LAMB3: variants seen among roughly 807,000 people sequenced by gnomAD.
The protein encoded by LAMB3 is laminin subunit beta 3.
In LAMB3, 104 loss-of-function variants were observed where a neutral mutation model predicts 140.3. The observed-to-expected ratio is 0.74, with a 90% CI of 0.63 to 0.87. The LOEUF (loss-of-function observed/expected upper bound fraction) is 0.87, where lower values mean the gene tolerates loss of function less well. Among genes scored for constraint, LAMB3 ranks in the 40% least tolerant of loss-of-function variants. LAMB3 has a pLI of 0.00. For synonymous variants in LAMB3, 592 were observed against 602.9 expected (o/e 0.98, Z 0.26); for missense variants, 1,531 against 1,575.2 (o/e 0.97, Z 0.47).
intron 3 of LAMB3, among the ~76,000 whole-genome samples, chr1:209,640,904 A>AC (rs1384725225): frequency 2.6e-5 from 4 of 151,550 alleles, no homozygotes; most frequent in African/African-American, 7.3e-5. Context: ...ACACAGTGAA[A>AC]CCCCCTCTCT....
intron 4 of LAMB3, 73 bp downstream of exon 4, chr1:209,638,461 A>G (rs2072942): frequency 0.046 from 45,712 of 988,088 alleles, 2,490 homozygotes; most frequent in East Asian, 0.24. Flanking sequence ...CCAAAGGGTT[A>G]TAGGGCACCT....
Position 209,634,544 on chromosome 1 carries a change from G to A in LAMB3, c.467C>T (p.Thr156Ile). The change falls in exon 6 of 23, where the codon ACC becomes ATC. Residue 156 changes from threonine (T) to isoleucine (I), a missense_variant. Coordinates refer to ENST00000356082, the MANE Select transcript of LAMB3 (RefSeq NM_000228.3). ...YQYLAADCTS[T>I]FPRVRQGRPQ... ...CCGACCCTGGCGGACCCGAGGGAAG[G>A]TGGAGGTGCAGTCGGCAGCCAGGTA... is the stretch of plus-strand genomic sequence containing the variant. 1.9e-6 allele frequency: 3 copies of A among 1,614,168 alleles called. No individual in the cohort carries two copies. In the South Asian group the frequency reaches 3.3e-5, roughly 18 times the overall value.
intron 3 of LAMB3, among the ~76,000 whole-genome samples, chr1:209,639,285 G>T (rs1263690768): frequency 6.6e-6 from 1 of 152,170 alleles, no homozygotes; most frequent in South Asian, 2.1e-4. Flanking sequence ...TCTACTCTGG[G>T]CTCTGGAGTT....
In LAMB3 at chr1:209,623,125, G is replaced by T; in HGVS notation, c.2413C>A (p.Leu805Ile). Residue 805 changes from leucine to isoleucine, a missense_variant, in exon 17 of 23, where the codon CTA becomes ATA. By Grantham distance (5) the Leu-to-Ile change is conservative. Coordinates refer to ENST00000356082, the MANE Select transcript of LAMB3 (RefSeq NM_000228.3). This position sits in a 1 kb window ranked among gnomAD's most constrained non-coding sequence, Gnocchi z 4.2. ...GCTGTGCCATTGTCTTGGGGACATA[G>T]CTCACCAGGGCATGATATTGGGGTG... ...ACTPISCPGELCPQDNGTACG... is the reference protein window; with the variant it reads ...ACTPISCPGEICPQDNGTACG... 1 of 1,614,230 alleles carries T rather than the reference G, an allele frequency of 6.2e-7. No homozygotes were observed. The highest frequency in any genetic ancestry group is 1.3e-5 in the African/African-American group (1 of 75,060).
intron 6 of LAMB3, 87 bp from the exon 7 acceptor site, chr1:209,633,220 C>T: frequency 1.0e-6 from 1 of 969,632 alleles, no homozygotes; most frequent in Non-Finnish European, 1.7e-6. Context: ...CCATTATATG[C>T]CTCACACTTG....
rs1666733684 is a variant in LAMB3, at chr1:209,632,649, A to G, written c.756T>C (p.Cys252=). The G allele has an allele frequency of 6.2e-7, 1 of 1,614,094 alleles. No homozygotes were observed. Among genetic ancestry groups the G allele is most frequent in the South Asian group, 1.1e-5 (1 of 91,088 alleles). Residue 252 remains cysteine, a synonymous_variant, in exon 8 of 23, where the codon TGT becomes TGC. Transcript: ENST00000356082. ...GTGCGCAGCGATCAGCATGGCCGTG[A>G]CAGAAGCAGCTCCCCTGCAGACGGA... ...SQLRLQGSCF[C]HGHADRCAPK... is the part of the protein sequence containing the mutation.
In LAMB3 at chr1:209,628,152, G is replaced by A. The variant is rs541302403; in HGVS notation, c.1171C>T (p.Pro391Ser). The A allele has an allele frequency of 3.2e-6, 5 of 1,571,204 alleles. 1 individual carries two copies. The African/African-American group carries it at 5.4e-5, about 17-fold the overall frequency. The stretch of plus-strand genomic sequence containing the variant: ...CACTGCCCGGTCACTGGGTCACAGG[G>A]AGCCCCTGGCACTGCCCCATCCGGA... ...CDPDGAVPGA[P>S]CDPVTGQCVC... Residue 391 changes from proline to serine, a missense_variant, in exon 11 of 23, where the codon CCC becomes TCC. Physicochemically the swap from Pro to Ser is moderately conservative, Grantham distance 74. Transcript: ENST00000356082.
intron 3 of LAMB3, among the ~76,000 whole-genome samples, chr1:209,647,913 G>C (rs1197292800): frequency 6.6e-6 from 1 of 152,170 alleles, no homozygotes; most frequent in Admixed American, 6.5e-5. Context: ...TATGCTTAAT[G>C]AATTATAATT....
rs886045868 is a variant in LAMB3, at chr1:209,630,682, G to A, written c.876C>T (p.Arg292=). The change falls in exon 9 of 23, where the codon CGC becomes CGT. Residue 292 remains arginine, a synonymous_variant. Transcript: ENST00000356082. ...QHNTAGPNCE[R]CAPFYNNRPW... ...GCCGGTTGTTGTAGAAGGGTGCACA[G>A]CGCTCACAATTTGGGCCGGCAGTGT... is the stretch of plus-strand genomic sequence containing the variant. 1.9e-6 allele frequency: 3 copies of A among 1,613,952 alleles called. No individual in the cohort carries two copies. Among genetic ancestry groups the A allele is most frequent in the Non-Finnish European group, 2.5e-6 (3 of 1,180,016 alleles).
At chr1:209,619,415 G>A in intron 18 of LAMB3, among the ~76,000 whole-genome samples, 1 of 152,212 alleles carries the variant, frequency 6.6e-6, no homozygotes, top group Non-Finnish European at 1.5e-5. Context: ...GTCCTCATGT[G>A]CGTAGAGTGA....
chr1:209,634,677 G>T (rs755050819), intron 5 of LAMB3, 39 bp from the exon 6 acceptor site: 1 of 1,541,132 alleles, frequency 6.5e-7, no homozygotes, highest in Non-Finnish European at 8.9e-7. Context: ...GGAGGCACTG[G>T]GGCTGTGCCC....
At chr1:209,637,353 T>C (rs79221269) in intron 5 of LAMB3, among the ~76,000 whole-genome samples, 5,091 of 152,216 alleles carry the variant, frequency 0.033, 257 homozygotes, top group East Asian at 0.24. Context: ...AACCAAATCA[T>C]CTCTGAAAAG....
rs781658794 is a variant in LAMB3, at chr1:209,618,668, C to CA, written c.2702-10dup. 1 of 1,467,254 alleles carries CA rather than the reference C, an allele frequency of 6.8e-7. No individual in the cohort carries two copies. The highest frequency in any genetic ancestry group is 9.0e-7 in the Non-Finnish European group (1 of 1,114,734). 90.9% of individuals were successfully genotyped at this position (1,467,254 alleles called of 1,614,324 possible). A position where few individuals can be genotyped will look rare whatever the true frequency, so the allele number is the denominator to read the frequency against. The stretch of plus-strand genomic sequence containing the variant: ...TGCATCAGTGTCGGGGTCTGGAAGA[C>CA]AACACGCATTTGACTGTAGGAGCCC... On this transcript the variant is annotated splice_polypyrimidine_tract_variant and intron_variant, in intron 18 of 22. Coordinates refer to ENST00000356082, the MANE Select transcript of LAMB3 (RefSeq NM_000228.3).
At chr1:209,615,477 T>C (rs1468536760) in intron 22 of LAMB3, 70 bp from the exon 23 acceptor site, 4 of 1,506,048 alleles carry the variant, frequency 2.7e-6, no homozygotes, top group African/African-American at 1.4e-5. Flanking sequence ...CAACCCTTCC[T>C]TCCCCTCCTG....
At chr1:209,616,323 A>T in intron 22 of LAMB3, 148 bp downstream of exon 22, 1 of 911,730 alleles carries the variant, frequency 1.1e-6, no homozygotes, top group African/African-American at 1.6e-5. Flanking sequence ...CCAGCCTCAT[A>T]CATGCTAGAT....
At chr1:209,617,808 T>C (rs781080660) in intron 20 of LAMB3, 99 bp downstream of exon 20, 85 of 1,494,294 alleles carry the variant, frequency 5.7e-5, no homozygotes, top group Non-Finnish European at 7.6e-5. Context: ...GAACTCCACC[T>C]CAGGTTTTAT....
chr1:209,649,269 C>T (rs947285796), intron 3 of LAMB3, among the ~76,000 whole-genome samples: 6 of 152,070 alleles, frequency 3.9e-5, no homozygotes, highest in Non-Finnish European at 7.4e-5. Context: ...AGCAAAATGG[C>T]TAAATGAGGC....
At chr1:209,644,464 C>T (rs183970179) in intron 3 of LAMB3, among the ~76,000 whole-genome samples, 170 of 152,268 alleles carry the variant, frequency 1.1e-3, no homozygotes, top group African/African-American at 3.5e-3. Flanking sequence ...ACTACATTTA[C>T]AAATGGTAGG....
At chr1:209,632,456 C>G (rs1188824925) in intron 8 of LAMB3, 127 bp downstream of exon 8, 1 of 697,076 alleles carries the variant, frequency 1.4e-6, no homozygotes, top group East Asian at 2.7e-5. Flanking sequence ...TTTGTTGTTG[C>G]TGCTGAAGTA....
Sources: allele counts gnomAD v4.1 joint callset (sites outside exome capture counted in the v4.1 genomes callset), GRCh38; gene constraint gnomAD v4.1.1; non-coding constraint Gnocchi (gnomAD v3.1); transcripts MANE v1.5; gene names NCBI Gene and HGNC (gene_info 2026-07-23, HGNC 2026-07-21).